ERBB4: variants seen among roughly 807,000 people sequenced by gnomAD.
ERBB4 encodes the protein erb-b2 receptor tyrosine kinase 4.
In ERBB4, 42 loss-of-function variants were observed where a neutral mutation model predicts 158.0. The ratio of observed to expected loss-of-function variants is 0.27; its 90% CI spans 0.21 to 0.34. The LOEUF (loss-of-function observed/expected upper bound fraction) is 0.34. Ranked by LOEUF, ERBB4 falls within the 10% of genes least tolerant of loss-of-function variation. The probability of loss-of-function intolerance (pLI) is 1.00; values close to 1 mark genes in which losing one functional copy is unlikely to be tolerated. For synonymous variants in ERBB4, 583 were observed against 558.7 expected, an observed-to-expected ratio of 1.04 and a Z score of -0.61; for missense variants, 1,333 against 1,624.1, an observed-to-expected ratio of 0.82 and a Z score of 3.08.
At chr2:212,487,799 C>T (rs374263646) in intron 1 of ERBB4, among the ~76,000 whole-genome samples, 2 of 152,126 alleles carry the variant, frequency 1.3e-5, no homozygotes, top group South Asian at 4.1e-4. Flanking sequence ...TTATTCTCTA[C>T]CCTCACAAAC....
intron 1 of ERBB4, among the ~76,000 whole-genome samples, chr2:212,216,740 C>T (rs1047504403): frequency 7.9e-5 from 12 of 151,346 alleles, no homozygotes; most frequent in African/African-American, 2.9e-4. Flanking sequence ...CTCCTCACTA[C>T]AACATAGCAG....
intron 1 of ERBB4, among the ~76,000 whole-genome samples, chr2:212,522,938 G>C (rs971402186): frequency 2.0e-5 from 3 of 152,044 alleles, no homozygotes; most frequent in Non-Finnish European, 4.4e-5. Flanking sequence ...ACTGTAGAAA[G>C]TGAGGAGAGG....
At chr2:211,609,671 G>A (rs1372125149) in intron 19 of ERBB4, among the ~76,000 whole-genome samples, 3 of 152,120 alleles carry the variant, frequency 2.0e-5, no homozygotes, top group Non-Finnish European at 4.4e-5. Context: ...GCCTCCCACA[G>A]TAGCTAGGAC....
chr2:211,929,232 TAA>T (rs1284647866), intron 3 of ERBB4, among the ~76,000 whole-genome samples: 1 of 87,600 alleles, frequency 1.1e-5, no homozygotes, highest in Non-Finnish European at 2.5e-5. Context: ...ATCTTTGGAA[TAA>T]GTGTGTGTGT....
At chr2:212,317,570 TTATAC>T (rs2087348303) in intron 1 of ERBB4, among the ~76,000 whole-genome samples, 1 of 151,610 alleles carries the variant, frequency 6.6e-6, no homozygotes, top group Admixed American at 6.6e-5. Context: ...CATTTTTGTA[TTATAC>T]TATATAGCCA....
rs192067365 is a variant in ERBB4, at chr2:212,330,667, T to C, written c.83-205764A>G. On this transcript the variant is annotated intron_variant, in intron 1 of 27. Coordinates refer to ENST00000342788, the MANE Select transcript of ERBB4 (RefSeq NM_005235.3). ...AGAGTTGTTCTGGTTGATCAGTAGG[T>C]GGGGGCATATGGAGACCCACCTATC... Among the ~76,000 whole-genome samples the C allele has an allele frequency of 6.6e-5, 10 of 151,864 alleles. No individual in the cohort carries two copies. In the East Asian group the frequency reaches 1.6e-3, roughly 24 times the overall value.
chr2:212,167,335 A>G (rs1301934426), intron 1 of ERBB4, among the ~76,000 whole-genome samples: 1 of 152,212 alleles, frequency 6.6e-6, no homozygotes, highest in Non-Finnish European at 1.5e-5. Context: ...AACATATGAA[A>G]AAAAGCTCAA....
At chr2:212,221,086 T>C (rs930670408) in intron 1 of ERBB4, among the ~76,000 whole-genome samples, 8 of 151,604 alleles carry the variant, frequency 5.3e-5, no homozygotes, top group Middle Eastern at 3.4e-3. Flanking sequence ...TATCTCATAC[T>C]CTGAACCATG....
intron 1 of ERBB4, among the ~76,000 whole-genome samples, chr2:212,197,266 A>T (rs1412882098): frequency 6.6e-6 from 1 of 152,218 alleles, no homozygotes; most frequent in African/African-American, 2.4e-5. Flanking sequence ...ACTTATGAAG[A>T]TTCGCAATAA....
At chr2:212,373,907 GTATATATCCATATATATATATCCA>G (rs1560146425) in intron 1 of ERBB4, among the ~76,000 whole-genome samples, 5 of 76,172 alleles carry the variant, frequency 6.6e-5, no homozygotes, top group Non-Finnish European at 1.3e-4. Flanking sequence ...ATATATCCAT[GTATATATCCATATATATATATCCA>G]TATATATCCA....
chr2:211,740,746 G>A (rs989494814), intron 5 of ERBB4, among the ~76,000 whole-genome samples: 2 of 150,690 alleles, frequency 1.3e-5, no homozygotes, highest in African/African-American at 2.4e-5. Flanking sequence ...GAGTAGCTGG[G>A]ACTATAGGCG....
intron 7 of ERBB4, among the ~76,000 whole-genome samples, chr2:211,716,443 A>G (rs1222459176): frequency 2.7e-5 from 4 of 148,722 alleles, no homozygotes; most frequent in East Asian, 2.0e-4. Context: ...TTGGGAGGCC[A>G]AGGTGGGCGG....
At chr2:211,674,659 A>G (rs551065641) in intron 13 of ERBB4, among the ~76,000 whole-genome samples, 21 of 152,316 alleles carry the variant, frequency 1.4e-4, no homozygotes, top group Non-Finnish European at 2.8e-4. Context: ...AAGCATACAA[A>G]GTACTCAACA....
chr2:211,968,513 C>T (rs891004171), intron 2 of ERBB4, among the ~76,000 whole-genome samples: 1 of 152,060 alleles, frequency 6.6e-6, no homozygotes, highest in South Asian at 2.1e-4. Flanking sequence ...TCTCAGACTA[C>T]TTCACCCTAT....
At chr2:212,127,138 C>T (rs1419630758) in intron 1 of ERBB4, among the ~76,000 whole-genome samples, 2 of 152,068 alleles carry the variant, frequency 1.3e-5, no homozygotes, top group African/African-American at 4.8e-5. Context: ...TAGGGTCTTC[C>T]TAGATGTAAA....
At chr2:212,242,652 C>A (rs1458363093) in intron 1 of ERBB4, among the ~76,000 whole-genome samples, 1 of 151,814 alleles carries the variant, frequency 6.6e-6, no homozygotes, top group African/African-American at 2.4e-5. Flanking sequence ...TCAGTTATAG[C>A]ATGTTACCAT....
chr2:211,944,206 A>ATATATATATATATATATATAG lies in ERBB4; in HGVS notation c.421+3223_421+3224insCTATATATATATATATATATA, dbSNP rs371912701. On this transcript the variant is annotated intron_variant, in intron 3 of 27. Coordinates refer to ENST00000342788, the MANE Select transcript of ERBB4 (RefSeq NM_005235.3). ...ATATATATATATATATATACTATAT[A>ATATATATATATATATATATAG]TATATATACACACACACACAAAAAA... Among the ~76,000 whole-genome samples the ATATATATATATATATATATAG allele has an allele frequency of 2.6e-3, 269 of 104,022 alleles. 5 individuals carry two copies. The highest frequency in any genetic ancestry group is 6.2e-3 in the South Asian group (22 of 3,538). 68.2% of individuals were successfully genotyped at this position (104,022 alleles called of 152,430 possible).
At chr2:212,288,640 C>T (rs2086092458) in intron 1 of ERBB4, among the ~76,000 whole-genome samples, 1 of 152,070 alleles carries the variant, frequency 6.6e-6, no homozygotes, top group Non-Finnish European at 1.5e-5. Context: ...CCCTTTTCAT[C>T]CAATAAACCC....
intron 2 of ERBB4, among the ~76,000 whole-genome samples, chr2:212,084,924 C>T (rs1311710499): frequency 6.6e-6 from 1 of 151,790 alleles, no homozygotes; most frequent in Non-Finnish European, 1.5e-5. Flanking sequence ...ACACTACTTC[C>T]CCATTGACCA....
Sources: allele counts gnomAD v4.1 joint callset (sites outside exome capture counted in the v4.1 genomes callset), GRCh38; gene constraint gnomAD v4.1.1; transcripts MANE v1.5; gene names NCBI Gene and HGNC (gene_info 2026-07-23, HGNC 2026-07-21).